Variants in FAM135A observed in about 807,000 individuals in gnomAD.
The protein encoded by FAM135A is family with sequence similarity 135 member A.
A neutral mutation model predicts 146.8 loss-of-function variants in FAM135A; 79 were observed. That is an observed-to-expected ratio of 0.54 (90% CI 0.45 to 0.65). The LOEUF (loss-of-function observed/expected upper bound fraction) is 0.65. Ranked by LOEUF, FAM135A falls within the 30% of genes least tolerant of loss-of-function variation. FAM135A has a pLI of 0.00. For synonymous variants in FAM135A, 562 were observed against 603.6 expected, an observed-to-expected ratio of 0.93 and a Z score of 1.01; for missense variants, 1,623 against 1,758.2, an observed-to-expected ratio of 0.92 and a Z score of 1.38.
chr6:70,505,987 A>G (rs1398469127), intron 12 of FAM135A, among the ~76,000 whole-genome samples: 1 of 152,208 alleles, frequency 6.6e-6, no homozygotes, highest in East Asian at 1.9e-4. Flanking sequence ...ACTGTATTCA[A>G]CTTACTAATG....
intron 5 of FAM135A, among the ~76,000 whole-genome samples, chr6:70,473,369 TAGTA>T (rs1781979223): frequency 6.6e-6 from 1 of 152,218 alleles, no homozygotes; most frequent in South Asian, 2.1e-4. Flanking sequence ...TGGACAAAGA[TAGTA>T]AGTACATTAT....
chr6:70,499,186 A>C (rs1455843369), intron 11 of FAM135A, among the ~76,000 whole-genome samples: 1 of 152,232 alleles, frequency 6.6e-6, no homozygotes, highest in Admixed American at 6.5e-5. Flanking sequence ...TATTTAGGAT[A>C]GTTAGCTCTT....
In FAM135A at chr6:70,524,729, G is replaced by A. The variant is rs976659481; in HGVS notation, c.1645G>A (p.Gly549Ser). 4 of 1,549,326 alleles carry A rather than the reference G, an allele frequency of 2.6e-6. No homozygotes were observed. In the African/African-American group the frequency reaches 5.5e-5, roughly 21 times the overall value. ...EGNPSHSQKE[G>S]LDPTICGYNF... ...CAATCCTTCACATAGTCAGAAGGAA[G>A]GTCTGGATCCCACAATATGTGGATA... Residue 549 changes from glycine (G) to serine (S), a missense_variant, in exon 15 of 22, where the codon GGT becomes AGT. Transcript: ENST00000418814.
intron 16 of FAM135A, among the ~76,000 whole-genome samples, chr6:70,531,751 A>T (rs1344858507): frequency 6.6e-6 from 1 of 152,088 alleles, no homozygotes; most frequent in Non-Finnish European, 1.5e-5. Context: ...CTTTGGGGGC[A>T]TTTCCCAATA....
chr6:70,423,499 C>T (rs1769333683), intron 2 of FAM135A, among the ~76,000 whole-genome samples: 2 of 152,112 alleles, frequency 1.3e-5, no homozygotes, highest in Non-Finnish European at 2.9e-5. Flanking sequence ...GGACTTGGTC[C>T]TAATCTATGT....
chr6:70,435,107 ATATTTT>A (rs1418821828), intron 4 of FAM135A, among the ~76,000 whole-genome samples: 127 of 66,702 alleles, frequency 1.9e-3, no homozygotes, highest in East Asian at 9.5e-3. Flanking sequence ...ATATATATAT[ATATTTT>A]TTTTTTTTTT....
chr6:70,530,721 C>G (rs1196583370), intron 16 of FAM135A, among the ~76,000 whole-genome samples: 1 of 152,152 alleles, frequency 6.6e-6, no homozygotes, highest in Non-Finnish European at 1.5e-5. Context: ...CCGCTGCACT[C>G]TAGCCTGGGC....
intron 20 of FAM135A, among the ~76,000 whole-genome samples, chr6:70,549,503 A>G (rs1271966859): frequency 6.6e-6 from 1 of 152,160 alleles, no homozygotes; most frequent in Non-Finnish European, 1.5e-5. Flanking sequence ...ATGTGGTTCC[A>G]GATCACCATA....
Position 70,526,519 on chromosome 6 carries a change from T to G in FAM135A, c.3435T>G (p.Pro1145=). Residue 1145 remains proline (P), a synonymous_variant, in exon 15 of 22, where the codon CCT becomes CCG. Transcript: ENST00000418814. ...ATCTGAGAGATGGTATAAACATGCC[T>G]ACTGTCTGTACTTCTGGTTGTTTGT... ...SDYLRDGINM[P]TVCTSGCLSF... is the part of the protein sequence containing the mutation. 11 of 1,613,642 alleles carry G rather than the reference T, an allele frequency of 6.8e-6. No homozygotes were observed. Among genetic ancestry groups the G allele is most frequent in the Non-Finnish European group, 9.3e-6 (11 of 1,179,708 alleles).
intron 5 of FAM135A, among the ~76,000 whole-genome samples, chr6:70,459,682 CT>C (rs1447612430): frequency 6.6e-6 from 1 of 152,084 alleles, no homozygotes; most frequent in Non-Finnish European, 1.5e-5. Context: ...ATTCATCCAT[CT>C]TTTTTTCTGG....
rs1432905317 is a variant in FAM135A at position 70,439,349 on chromosome 6, T to G, written c.77+10930T>G. 2.6e-5 allele frequency among the ~76,000 whole-genome samples: 4 copies of G among 152,164 alleles called. No homozygotes were observed. The East Asian group carries it at 7.7e-4, about 29-fold the overall frequency. ...TTTAGTGAATTGAACCTTTTATCAT[T>G]ATGAAAAGACCCTGTTTATATCCTA... is the stretch of plus-strand genomic sequence containing the variant. On this transcript the variant is annotated intron_variant, in intron 4 of 21. Coordinates refer to ENST00000418814, the MANE Select transcript of FAM135A (RefSeq NM_001162529.3).
chr6:70,557,011 C>A (rs1800976783), intron 21 of FAM135A, 148 bp downstream of exon 21: 1 of 636,966 alleles, frequency 1.6e-6, no homozygotes, highest in South Asian at 1.9e-5. Context: ...TGTCCTTTTT[C>A]CATTCTTCTC....
At chr6:70,443,408 G>A (rs996639591) in intron 4 of FAM135A, among the ~76,000 whole-genome samples, 1 of 152,236 alleles carries the variant, frequency 6.6e-6, no homozygotes, top group Admixed American at 6.5e-5. Context: ...GCAGTATGCA[G>A]TACAGTACAA....
chr6:70,536,147 C>A, intron 18 of FAM135A, 113 bp from the exon 19 acceptor site: 1 of 980,604 alleles, frequency 1.0e-6, no homozygotes, highest in Non-Finnish European at 1.4e-6. Flanking sequence ...ACTTTTACAA[C>A]ATTAGAAATT....
intron 5 of FAM135A, among the ~76,000 whole-genome samples, chr6:70,467,462 C>A (rs1780687136): frequency 6.6e-6 from 1 of 152,028 alleles, no homozygotes; most frequent in Non-Finnish European, 1.5e-5. Context: ...TGAGAAATTT[C>A]TTAATTTGTT....
At chr6:70,459,856 C>T (rs753568441) in intron 5 of FAM135A, among the ~76,000 whole-genome samples, 4 of 152,108 alleles carry the variant, frequency 2.6e-5, no homozygotes, top group Non-Finnish European at 5.9e-5. Context: ...CGTGAAACCC[C>T]GTCTCTACGA....
At chr6:70,458,764 GT>G (rs1778863983) in intron 5 of FAM135A, among the ~76,000 whole-genome samples, 1 of 152,116 alleles carries the variant, frequency 6.6e-6, no homozygotes, top group Non-Finnish European at 1.5e-5. Context: ...ACAAAATAAT[GT>G]TCTTCTGTCT....
intron 10 of FAM135A, among the ~76,000 whole-genome samples, chr6:70,489,824 T>C (rs1785515238): frequency 6.6e-6 from 1 of 152,124 alleles, no homozygotes; most frequent in South Asian, 2.1e-4. Context: ...TTTACTATTA[T>C]AATGAGCAAA....
intron 8 of FAM135A, among the ~76,000 whole-genome samples, chr6:70,480,394 A>C (rs959643237): frequency 8.5e-5 from 13 of 152,168 alleles, no homozygotes; most frequent in Non-Finnish European, 1.6e-4. Flanking sequence ...ATTTTAATAG[A>C]GCTTATAGCC....
Sources: allele counts gnomAD v4.1 joint callset (sites outside exome capture counted in the v4.1 genomes callset), GRCh38; gene constraint gnomAD v4.1.1; transcripts MANE v1.5; gene names NCBI Gene and HGNC (gene_info 2026-07-23, HGNC 2026-07-21).